LRRC7: variants seen among roughly 807,000 people sequenced by gnomAD.
The protein encoded by LRRC7 is leucine-rich repeat-containing protein 7.
A neutral mutation model predicts 175.7 loss-of-function variants in LRRC7; 23 were observed. The ratio of observed to expected loss-of-function variants is 0.13; its 90% CI spans 0.09 to 0.19. The LOEUF (loss-of-function observed/expected upper bound fraction) is 0.19. LRRC7 is among the 10% of genes least tolerant of loss of function. The pLI is 1.00. For synonymous variants in LRRC7, 685 were observed against 680.9 expected (o/e 1.01, Z -0.09); for missense variants, 1,354 against 1,904.7 (o/e 0.71, Z 5.38).
chr1:70,109,180 C>T (rs1162417654), intron 26 of LRRC7, among the ~76,000 whole-genome samples: 1 of 152,124 alleles, frequency 6.6e-6, no homozygotes, highest in Non-Finnish European at 1.5e-5. Flanking sequence ...CGCCACCACA[C>T]TCAGCTAATT....
At chr1:69,723,094 T>C (rs1259708455) in intron 2 of LRRC7, among the ~76,000 whole-genome samples, 2 of 152,114 alleles carry the variant, frequency 1.3e-5, no homozygotes, top group Non-Finnish European at 2.9e-5. Flanking sequence ...ATGTGGTTCT[T>C]CTATTTATAA....
intron 2 of LRRC7, among the ~76,000 whole-genome samples, chr1:69,682,139 C>G (rs1660567218): frequency 6.6e-6 from 1 of 152,080 alleles, no homozygotes. Context: ...CTAGAGGACT[C>G]CAGAAGCTCC....
intron 11 of LRRC7, among the ~76,000 whole-genome samples, chr1:69,996,374 G>C (rs1366998104): frequency 2.6e-5 from 4 of 152,126 alleles, no homozygotes; most frequent in Non-Finnish European, 5.9e-5. Context: ...TCTGATGGTA[G>C]TTTCTTTTGC....
intron 8 of LRRC7, among the ~76,000 whole-genome samples, chr1:69,955,198 A>C (rs957142781): frequency 6.6e-6 from 1 of 152,050 alleles, no homozygotes; most frequent in Non-Finnish European, 1.5e-5. Context: ...TACAAAAGTA[A>C]AGTAAAAACA....
At chr1:70,078,491 G>A (rs1215292858) in intron 24 of LRRC7, among the ~76,000 whole-genome samples, 1 of 152,064 alleles carries the variant, frequency 6.6e-6, no homozygotes, top group Non-Finnish European at 1.5e-5. Flanking sequence ...ACCCCAACCA[G>A]CTGTTTATTA....
intron 16 of LRRC7, 154 bp downstream of exon 16, chr1:70,021,283 T>C: frequency 1.5e-6 from 1 of 675,654 alleles, no homozygotes; most frequent in Non-Finnish European, 2.4e-6. Flanking sequence ...CTGGAAGCAT[T>C]GGTGTGCTTC....
chr1:69,705,305 G>A (rs564028429), intron 2 of LRRC7, among the ~76,000 whole-genome samples: 62 of 152,216 alleles, frequency 4.1e-4, no homozygotes, highest in African/African-American at 1.4e-3. Flanking sequence ...TTGCCACAGA[G>A]GGAAGAGGAC....
At chr1:69,844,276 C>T (rs1384766954) in intron 7 of LRRC7, among the ~76,000 whole-genome samples, 1 of 151,998 alleles carries the variant, frequency 6.6e-6, no homozygotes, top group Non-Finnish European at 1.5e-5. Flanking sequence ...GCCATAGGCA[C>T]AATGTTGGAC....
At chr1:69,974,203 T>C (rs1279891852) in intron 8 of LRRC7, among the ~76,000 whole-genome samples, 2 of 152,230 alleles carry the variant, frequency 1.3e-5, no homozygotes, top group African/African-American at 2.4e-5. Flanking sequence ...AGATAATTCA[T>C]TTTCATTGCT....
chr1:69,644,748 G>T (rs182990705), intron 1 of LRRC7, among the ~76,000 whole-genome samples: 1 of 151,934 alleles, frequency 6.6e-6, no homozygotes, highest in Non-Finnish European at 1.5e-5. Flanking sequence ...TTGACAAAAT[G>T]TTAGCAAATT....
chr1:69,882,984 G>A (rs2101618165), intron 7 of LRRC7, among the ~76,000 whole-genome samples: 1 of 152,056 alleles, frequency 6.6e-6, no homozygotes, highest in South Asian at 2.1e-4. Flanking sequence ...TGGTGTATAT[G>A]TGCCACATTT....
chr1:69,907,486 G>A (rs1646358781), intron 7 of LRRC7, among the ~76,000 whole-genome samples: 1 of 152,078 alleles, frequency 6.6e-6, no homozygotes, highest in African/African-American at 2.4e-5. Context: ...GTTGAATTTT[G>A]TCAAAGGCCT....
At chr1:70,035,965 C>G in intron 18 of LRRC7, among the ~76,000 whole-genome samples, 156 bp from the exon 19 acceptor site, 1 of 152,158 alleles carries the variant, frequency 6.6e-6, no homozygotes, top group East Asian at 1.9e-4. Flanking sequence ...TAATGCTTAA[C>G]TCAGAGATAC....
chr1:70,035,419 C>T (rs1659199551), intron 18 of LRRC7, among the ~76,000 whole-genome samples: 2 of 151,686 alleles, frequency 1.3e-5, no homozygotes, highest in Admixed American at 6.6e-5. Context: ...CGATGTTGCT[C>T]GTTACACTCA....
rs552869226 is a variant in LRRC7 at position 69,654,580 on chromosome 1, A to G, written c.3-23801A>G. 1.8e-4 allele frequency among the ~76,000 whole-genome samples: 27 copies of G among 152,194 alleles called. No individual in the cohort carries two copies. The South Asian group carries it at 4.8e-3, about 27-fold the overall frequency. ...CTTTAAGATGCCTCTATATCAGTGCACTTATGTAGTTATGCTAGGTGAAGA... is the reference window on the plus strand; with the variant it reads ...CTTTAAGATGCCTCTATATCAGTGCGCTTATGTAGTTATGCTAGGTGAAGA... On this transcript the variant is annotated intron_variant, in intron 1 of 26. Transcript: ENST00000651989.
chr1:69,795,913 T>G (rs28583181), intron 4 of LRRC7, among the ~76,000 whole-genome samples: 2 of 84,626 alleles, frequency 2.4e-5, no homozygotes, highest in Admixed American at 1.1e-4. Flanking sequence ...TTTTTTTGGG[T>G]TTTTTTTTGT....
chr1:69,773,977 C>A (rs1672532872), intron 3 of LRRC7, among the ~76,000 whole-genome samples: 2 of 152,144 alleles, frequency 1.3e-5, no homozygotes, highest in Non-Finnish European at 2.9e-5. Flanking sequence ...TATGATCACA[C>A]CTCTACAGCC....
chr1:69,741,051 T>C (rs191681944), intron 2 of LRRC7, among the ~76,000 whole-genome samples: 1 of 151,988 alleles, frequency 6.6e-6, no homozygotes, highest in Admixed American at 6.6e-5. Context: ...GGAACTGCAA[T>C]GACCAAAGGC....
intron 11 of LRRC7, among the ~76,000 whole-genome samples, chr1:70,000,217 G>A (rs560577373): frequency 1.8e-4 from 28 of 152,126 alleles, no homozygotes; most frequent in African/African-American, 3.1e-4. Flanking sequence ...GTGATAATAC[G>A]GTCATGCCAA....
Sources: allele counts gnomAD v4.1 joint callset (sites outside exome capture counted in the v4.1 genomes callset), GRCh38; gene constraint gnomAD v4.1.1; transcripts MANE v1.5; gene names NCBI Gene and HGNC (gene_info 2026-07-23, HGNC 2026-07-21).